Variants in ZDHHC11B observed in about 807,000 individuals in gnomAD.
The protein encoded by ZDHHC11B is probable palmitoyltransferase ZDHHC11B.
Under a neutral mutation model 42.3 loss-of-function variants are expected in ZDHHC11B, and 17 were observed. The ratio of observed to expected loss-of-function variants is 0.40; its 90% confidence interval spans 0.27 to 0.60. The LOEUF (loss-of-function observed/expected upper bound fraction) is 0.60. ZDHHC11B is among the 20% of genes least tolerant of loss of function. ZDHHC11B has a pLI of 0.41. For synonymous variants in ZDHHC11B, 123 were observed against 193.5 expected, an observed-to-expected ratio of 0.64 and a Z score of 3.02; for missense variants, 262 against 463.2, an observed-to-expected ratio of 0.57 and a Z score of 3.99.
In ZDHHC11B at chr5:730,473, G is replaced by A. The variant is rs780360187; in HGVS notation, c.1024-5C>T. 4 of 1,556,656 alleles carry A rather than the reference G, an allele frequency of 2.6e-6. No homozygotes were observed. Among genetic ancestry groups the A allele is most frequent in the South Asian group, 1.3e-5 (1 of 79,512 alleles). ...ACTCGGGGCATCATCTGCTTCCTGT[G>A]GGGGGAAGGGAAGCAAAATTCTTAG... On this transcript the variant is annotated splice_polypyrimidine_tract_variant and splice_region_variant and intron_variant, in intron 11 of 13. Transcript: ENST00000508859.
intron 12 of ZDHHC11B, among the ~76,000 whole-genome samples, chr5:718,527 A>AAAAC (rs1033661652): frequency 3.3e-5 from 5 of 151,400 alleles, no homozygotes; most frequent in African/African-American, 1.2e-4. Flanking sequence ...CAAAAATACA[A>AAAAC]AAACAAACAA....
At chr5:769,565 A>ATC (rs1735797582) in intron 1 of ZDHHC11B, among the ~76,000 whole-genome samples, 1 of 151,918 alleles carries the variant, frequency 6.6e-6, no homozygotes, top group Non-Finnish European at 1.5e-5. Context: ...GGAAGCAGGA[A>ATC]TCTAGAGGCA....
In ZDHHC11B at chr5:748,592, C is replaced by T. The variant is rs1394274914; in HGVS notation, c.629-33G>A. 2.6e-5 allele frequency: 35 copies of T among 1,347,802 alleles called. 9 individuals carry two copies. Among genetic ancestry groups the T allele is most frequent in the South Asian group, 3.3e-5 (2 of 60,560 alleles). The allele number at this position is 1,347,802 out of a possible 1,614,324, so 83.5% of individuals were successfully genotyped here. On this transcript the variant is annotated intron_variant, in intron 7 of 13. Transcript: ENST00000508859. ...GACAAGGGAGAGACACTGTGTCCAG[C>T]ACCTGCTGACGGGTGCCACATCAGG...
chr5:777,958 C>T (rs1736678130), intron 1 of ZDHHC11B, among the ~76,000 whole-genome samples: 1 of 151,872 alleles, frequency 6.6e-6, no homozygotes, highest in South Asian at 2.1e-4. Context: ...GGGTCCCGAG[C>T]CCTGCCCAGC....
In ZDHHC11B at chr5:744,269, T is replaced by C. The variant is rs573615343; in HGVS notation, c.900+914A>G. ...TCTTTGCCTGTGTTTCCTGAATGTA[T>C]TGGCTTACGAATATCTGGCTTTGGT... On this transcript the variant is annotated intron_variant, in intron 9 of 13. Coordinates refer to ENST00000508859, the MANE Select transcript of ZDHHC11B (RefSeq NM_001351303.2). 2.0e-3 allele frequency among the ~76,000 whole-genome samples: 303 copies of C among 149,818 alleles called. 7 individuals are homozygous for C. Among genetic ancestry groups the C allele is most frequent in the Middle Eastern group, 6.9e-3 (2 of 290 alleles).
intron 9 of ZDHHC11B, among the ~76,000 whole-genome samples, chr5:742,567 G>A (rs1368130097): frequency 1.4e-5 from 2 of 147,386 alleles, no homozygotes; most frequent in Non-Finnish European, 3.0e-5. Context: ...CGCAGTGTGT[G>A]CTCACTTCAA....
At position 751,473 on chromosome 5, in the gene ZDHHC11B, GCGGGGGCA is replaced by G. The variant is rs1256860213; in HGVS notation, c.504-224_504-217del. ...GACACGCAGGGCATCTGAGGCAGGG[GCGGGGGCA>G]TGCAGGGCAGGTGGGGGGTGCAGAG... On this transcript the variant is annotated intron_variant, in intron 6 of 13. Transcript: ENST00000508859. 2.2e-3 allele frequency among the ~76,000 whole-genome samples: 57 copies of G among 26,054 alleles called. 1 individual carries two copies. The highest frequency in any genetic ancestry group is 6.8e-3 in the African/African-American group (52 of 7,654). 17.1% of individuals were successfully genotyped at this position (26,054 alleles called of 152,430 possible). A position where few individuals can be genotyped will look rare whatever the true frequency, so the allele number is the denominator to read the frequency against.
intron 6 of ZDHHC11B, among the ~76,000 whole-genome samples, chr5:753,921 T>C (rs1357663074): frequency 1.4e-5 from 2 of 144,756 alleles, no homozygotes; most frequent in Non-Finnish European, 3.0e-5. Context: ...CAGGCGTGGT[T>C]CTTTTCCCTG....
At chr5:777,363 G>C (rs1416503669) in intron 1 of ZDHHC11B, among the ~76,000 whole-genome samples, 1 of 151,940 alleles carries the variant, frequency 6.6e-6, no homozygotes, top group Admixed American at 6.6e-5. Context: ...GTCTGGAGCT[G>C]TTCGCTCCCT....
intron 4 of ZDHHC11B, among the ~76,000 whole-genome samples, chr5:765,310 G>T (rs1263981587): frequency 2.6e-5 from 4 of 151,570 alleles, no homozygotes; most frequent in Admixed American, 2.6e-4. Flanking sequence ...ATCTGGTGGG[G>T]ACTTGGAGAA....
intron 4 of ZDHHC11B, among the ~76,000 whole-genome samples, chr5:764,401 G>A (rs551817385): frequency 2.2e-4 from 33 of 150,018 alleles, no homozygotes; most frequent in South Asian, 1.1e-3. Flanking sequence ...AGGCACAGGC[G>A]GGAACCCAGC....
At chr5:732,502 G>T in intron 11 of ZDHHC11B, 3 of 334,118 alleles carry the variant, frequency 9.0e-6, no homozygotes, top group Middle Eastern at 4.3e-4. Context: ...CTGGGGGCTC[G>T]ATTGGTTTCC....
intron 12 of ZDHHC11B, among the ~76,000 whole-genome samples, chr5:718,071 T>C (rs752649180): frequency 1.3e-5 from 2 of 151,780 alleles, no homozygotes; most frequent in East Asian, 1.9e-4. Context: ...TTACTGAGAA[T>C]AAAAAGAAAA....
chr5:775,834 C>T (rs1164307891), intron 1 of ZDHHC11B, among the ~76,000 whole-genome samples: 7 of 151,178 alleles, frequency 4.6e-5, no homozygotes, highest in South Asian at 2.1e-4. Context: ...GTGAAGGACA[C>T]GCTGTGTTGC....
chr5:713,256 GTC>G lies in ZDHHC11B; in HGVS notation c.*8-976_*8-975del, dbSNP rs1322746694. On this transcript the variant is annotated intron_variant, in intron 13 of 13. Coordinates refer to ENST00000508859, the MANE Select transcript of ZDHHC11B (RefSeq NM_001351303.2). ...TAGTTCCCTAATTCACTTTTCAACT[GTC>G]TATTTTGTTGTTAAATCCATCCACT... Among the ~76,000 whole-genome samples, 14 of 151,694 alleles carry G rather than the reference GTC, an allele frequency of 9.2e-5. 1 individual carries two copies. Among genetic ancestry groups the G allele is most frequent in the Middle Eastern group, 3.2e-3 (1 of 316 alleles).
chr5:715,352 T>C (rs182571512), intron 13 of ZDHHC11B, among the ~76,000 whole-genome samples: 3 of 151,092 alleles, frequency 2.0e-5, no homozygotes. Context: ...CCTCAGCCAT[T>C]TCACTGTTCC....
At chr5:751,698 C>G (rs147862199) in intron 6 of ZDHHC11B, among the ~76,000 whole-genome samples, 1 of 128,368 alleles carries the variant, frequency 7.8e-6, no homozygotes, top group Non-Finnish European at 1.7e-5. Context: ...ACCCTGCTCC[C>G]GACCATGCCT....
At chr5:776,888 C>T (rs561142706) in intron 1 of ZDHHC11B, among the ~76,000 whole-genome samples, 4 of 151,890 alleles carry the variant, frequency 2.6e-5, no homozygotes, top group Non-Finnish European at 4.4e-5. Flanking sequence ...CATCGCACGG[C>T]CCTCCTGCTC....
rs1347755926 is a variant in ZDHHC11B at position 774,747 on chromosome 5, G to A, written c.-229-5817C>T. ...CCCTTGGGCCTGGAGCCTATTACTA[G>A]GACCTGGGGTCTGTCACTAGCGCCA... is the stretch of plus-strand genomic sequence containing the variant. On this transcript the variant is annotated intron_variant, in intron 1 of 13. Transcript: ENST00000508859. Among the ~76,000 whole-genome samples, 3 of 53,292 alleles carry A rather than the reference G, an allele frequency of 5.6e-5. No homozygotes were observed. In the East Asian group the frequency reaches 2.0e-3, roughly 36 times the overall value. The allele number at this position is 53,292 out of a possible 152,430, so 35.0% of individuals were successfully genotyped here. A position where few individuals can be genotyped will look rare whatever the true frequency, so the allele number is the denominator to read the frequency against.
Sources: gnomAD v4.1 joint callset for allele counts (sites outside exome capture counted in the v4.1 genomes callset) on GRCh38, gnomAD v4.1.1 for gene constraint, MANE v1.5 for transcripts, NCBI Gene and HGNC (gene_info 2026-07-23, HGNC 2026-07-21) for gene names.